Variants in MAP4K4 observed in about 807,000 individuals in gnomAD.
The protein encoded by MAP4K4 is HPK/GCK-like kinase HGK.
Under a neutral mutation model 189.6 loss-of-function variants are expected in MAP4K4, and 38 were observed. The observed-to-expected ratio is 0.20, with a 90% CI of 0.15 to 0.26. The LOEUF (loss-of-function observed/expected upper bound fraction) is 0.26, where lower values mean the gene tolerates loss of function less well. MAP4K4 is among the 10% of genes least tolerant of loss of function. The pLI, the probability that MAP4K4 is intolerant of heterozygous loss-of-function variation, is 1.00. For missense variants in MAP4K4, 1,054 were observed against 1,726.9 expected, an observed-to-expected ratio of 0.61 and a Z score of 6.91; for synonymous variants, 610 against 624.3, an observed-to-expected ratio of 0.98 and a Z score of 0.34.
intron 2 of MAP4K4, among the ~76,000 whole-genome samples, chr2:101,733,358 A>G (rs1233122240): frequency 6.6e-6 from 1 of 152,238 alleles, no homozygotes; most frequent in Non-Finnish European, 1.5e-5. Context: ...TGACCTTGAG[A>G]GGTCAGCCAA....
Position 101,855,970 on chromosome 2 carries a change from T to C in MAP4K4, c.1234-7T>C, listed in dbSNP as rs367850808. 1.1e-4 allele frequency: 176 copies of C among 1,540,776 alleles called. No individual in the cohort carries two copies. In the African/African-American group the frequency reaches 2.3e-3, roughly 20 times the overall value. ...TCCCTGGTAATTATACATTTTTACT[T>C]ACGTAGCAACAAAGGAGAGAGCGGG... On this transcript the variant is annotated splice_region_variant and splice_polypyrimidine_tract_variant and intron_variant, in intron 12 of 32. Coordinates refer to ENST00000324219, the Ensembl canonical transcript of MAP4K4.
exon 5 of MAP4K4, chr2:101,825,389 A>G: frequency 6.2e-7 from 1 of 1,613,698 alleles, no homozygotes; most frequent in Non-Finnish European, 8.5e-7. Context: ...AACACACTCA[A>G]AGAAGACTGG....
chr2:101,804,697 G>A (rs993740709), intron 3 of MAP4K4, among the ~76,000 whole-genome samples: 2 of 152,148 alleles, frequency 1.3e-5, no homozygotes, highest in Admixed American at 6.5e-5. Context: ...ACCAGTTCTC[G>A]AGGGTAGCTG....
At chr2:101,865,241 G>A (rs2097778700) in intron 18 of MAP4K4, among the ~76,000 whole-genome samples, 1 of 152,236 alleles carries the variant, frequency 6.6e-6, no homozygotes, top group South Asian at 2.1e-4. Flanking sequence ...ATCCGGATGT[G>A]TATTATAGCA....
chr2:101,716,414 G>T (rs1205931220), intron 2 of MAP4K4, among the ~76,000 whole-genome samples: 1 of 151,986 alleles, frequency 6.6e-6, no homozygotes, highest in Non-Finnish European at 1.5e-5. Flanking sequence ...TTGCACTCCA[G>T]CCTGGGCGAC....
chr2:101,832,730 A>T lies in MAP4K4; in HGVS notation c.639+879A>T, dbSNP rs115780081. ...AAGTTGGTAATTAGACCTGACTGGT[A>T]TGCAGAACAAGGCAATGTATTTGGT... On this transcript the variant is annotated intron_variant, in intron 7 of 32. Coordinates refer to ENST00000324219, the Ensembl canonical transcript of MAP4K4. Among the ~76,000 whole-genome samples the T allele has an allele frequency of 3.5e-3, 540 of 152,342 alleles. 2 individuals carry two copies. The highest frequency in any genetic ancestry group is 0.012 in the African/African-American group (516 of 41,556).
chr2:101,715,038 C>T (rs749673771), intron 2 of MAP4K4, among the ~76,000 whole-genome samples: 11 of 152,128 alleles, frequency 7.2e-5, no homozygotes, highest in Non-Finnish European at 1.5e-4. Context: ...GTTAGGGCTG[C>T]CATAACAAAA....
chr2:101,877,199 T>A lies in MAP4K4; in HGVS notation c.3385+53T>A, dbSNP rs187918820. ...ATGTGACACCATCTTAACAATATTG[T>A]AGCTTTACACACTAAACTTCAGTTA... On this transcript the variant is annotated intron_variant, in intron 27 of 32. Coordinates refer to ENST00000324219, the Ensembl canonical transcript of MAP4K4. The A allele has an allele frequency of 2.3e-4, 357 of 1,557,516 alleles. 1 individual carries two copies. In the African/African-American group the frequency reaches 4.6e-3, roughly 20 times the overall value.
At chr2:101,883,455 C>T (rs191265690) in intron 28 of MAP4K4, among the ~76,000 whole-genome samples, 1,814 of 152,272 alleles carry the variant, frequency 0.012, 10 homozygotes, top group Middle Eastern at 0.041. Flanking sequence ...CCTCAGCCTC[C>T]TGAATAGTTG....
intron 2 of MAP4K4, among the ~76,000 whole-genome samples, chr2:101,766,144 G>A (rs2078531045): frequency 6.6e-6 from 1 of 152,110 alleles, no homozygotes; most frequent in South Asian, 2.1e-4. Flanking sequence ...TTTATCCCTT[G>A]CCTGATGAAT....
chr2:101,867,482 G>A (rs528088678), intron 20 of MAP4K4, 173 bp downstream of exon 20: 18 of 579,732 alleles, frequency 3.1e-5, no homozygotes, highest in South Asian at 1.2e-4. Context: ...CATTGGTATC[G>A]TCTGCTTTCC....
At chr2:101,825,335 G>A (rs1323746856) in exon 5 of MAP4K4, 1 of 1,611,560 alleles carries the variant, frequency 6.2e-7, no homozygotes, top group Non-Finnish European at 8.5e-7. Flanking sequence ...ATGGAGTTCT[G>A]TGGGGCTGGG....
chr2:101,827,483 G>C (rs1321781329), intron 5 of MAP4K4, among the ~76,000 whole-genome samples: 1 of 152,182 alleles, frequency 6.6e-6, no homozygotes, highest in Non-Finnish European at 1.5e-5. Context: ...GCCACCCCCA[G>C]ACAGATAAGC....
At chr2:101,740,758 C>T (rs1378148095) in intron 2 of MAP4K4, among the ~76,000 whole-genome samples, 3 of 151,372 alleles carry the variant, frequency 2.0e-5, no homozygotes, top group East Asian at 1.9e-4. Flanking sequence ...TTCCCTTATT[C>T]GCTTTGAAAA....
chr2:101,848,517 C>T (rs561026822), intron 12 of MAP4K4, among the ~76,000 whole-genome samples: 1 of 152,286 alleles, frequency 6.6e-6, no homozygotes, highest in South Asian at 2.1e-4. Flanking sequence ...AAGGAGATAA[C>T]TGTTATCTAT....
At chr2:101,744,658 G>A (rs1053974739) in intron 2 of MAP4K4, among the ~76,000 whole-genome samples, 1 of 151,962 alleles carries the variant, frequency 6.6e-6, no homozygotes, top group Non-Finnish European at 1.5e-5. Context: ...GGCGAGTTGG[G>A]CTTTACCTTC....
chr2:101,708,994 A>T (rs56982595), intron 2 of MAP4K4, among the ~76,000 whole-genome samples: 1 of 152,082 alleles, frequency 6.6e-6, no homozygotes, highest in African/African-American at 2.4e-5. Context: ...GATAGGCATG[A>T]TGTTGATGGA....
chr2:101,891,058 T>TA, intron 32 of MAP4K4, 108 bp from the exon 33 acceptor site: 1 of 859,684 alleles, frequency 1.2e-6, no homozygotes, highest in Non-Finnish European at 1.9e-6. Context: ...TTTGGGAGTC[T>TA]AAGCTTCTCG....
At chr2:101,723,636 A>G (rs563182986) in intron 2 of MAP4K4, among the ~76,000 whole-genome samples, 25 of 152,304 alleles carry the variant, frequency 1.6e-4, no homozygotes, top group African/African-American at 5.5e-4. Flanking sequence ...TTTCACATTA[A>G]GAAGCTTAGA....
Sources: allele counts gnomAD v4.1 joint callset (sites outside exome capture counted in the v4.1 genomes callset), GRCh38; gene constraint gnomAD v4.1.1; transcripts MANE v1.5; gene names NCBI Gene and HGNC (gene_info 2026-07-23, HGNC 2026-07-21).